The following DPP10 variants were observed in gnomAD, a reference collection of about 807,000 sequenced individuals.
DPP10 encodes dipeptidyl peptidase like 10.
Under a neutral mutation model 120.9 loss-of-function variants are expected in DPP10, and 33 were observed. That is an observed-to-expected ratio of 0.27 (90% CI 0.21 to 0.37). DPP10 has a LOEUF of 0.37. DPP10 is among the 10% of genes least tolerant of loss of function. DPP10 has a pLI of 1.00. For synonymous variants in DPP10, 337 were observed against 326.1 expected (o/e 1.03, Z -0.36); for missense variants, 816 against 942.8 (o/e 0.87, Z 1.76).
At chr2:115,604,634 T>G (rs2083576666) in intron 5 of DPP10, among the ~76,000 whole-genome samples, 1 of 152,204 alleles carries the variant, frequency 6.6e-6, no homozygotes, top group African/African-American at 2.4e-5. Flanking sequence ...TCCAATTCTT[T>G]AGATCATAAC....
intron 1 of DPP10, among the ~76,000 whole-genome samples, chr2:114,517,058 A>C (rs1684650899): frequency 6.6e-6 from 1 of 152,172 alleles, no homozygotes; most frequent in Non-Finnish European, 1.5e-5. Context: ...GGTATTCTGT[A>C]TCCTTGGCAT....
chr2:115,679,698 A>G (rs1174600994), intron 5 of DPP10, among the ~76,000 whole-genome samples: 2 of 152,236 alleles, frequency 1.3e-5, no homozygotes, highest in African/African-American at 2.4e-5. Flanking sequence ...TTGCATCAAC[A>G]TGGATAAACC....
At chr2:115,121,765 C>T (rs1208456158) in intron 1 of DPP10, among the ~76,000 whole-genome samples, 1 of 152,178 alleles carries the variant, frequency 6.6e-6, no homozygotes. Flanking sequence ...TTGTGCATTT[C>T]TCCTTCTCCT....
chr2:114,766,797 T>C (rs1002193820), intron 1 of DPP10, among the ~76,000 whole-genome samples: 1 of 151,898 alleles, frequency 6.6e-6, no homozygotes, highest in Non-Finnish European at 1.5e-5. Context: ...AGGGGTAGGA[T>C]TTGAATATAG....
At chr2:115,278,968 A>G (rs912966072) in intron 1 of DPP10, among the ~76,000 whole-genome samples, 6 of 152,218 alleles carry the variant, frequency 3.9e-5, no homozygotes, top group Admixed American at 3.9e-4. Context: ...TGCCATCACC[A>G]TAATGAAACT....
At chr2:114,554,737 C>T (rs546815021) in intron 1 of DPP10, among the ~76,000 whole-genome samples, 7 of 152,292 alleles carry the variant, frequency 4.6e-5, no homozygotes, top group Admixed American at 3.3e-4. Flanking sequence ...TAACATCTGC[C>T]CCTTCCAATT....
chr2:114,749,575 T>G (rs1191967246), intron 1 of DPP10, among the ~76,000 whole-genome samples: 1 of 148,184 alleles, frequency 6.7e-6, no homozygotes, highest in Non-Finnish European at 1.5e-5. Flanking sequence ...TTTATTTTAT[T>G]TTATTTTATT....
intron 1 of DPP10, among the ~76,000 whole-genome samples, chr2:114,890,286 T>G (rs1200065865): frequency 3.3e-5 from 5 of 152,152 alleles, no homozygotes; most frequent in Admixed American, 6.6e-5. Context: ...GAAAACATAC[T>G]GCTCAAGAAA....
intron 1 of DPP10, among the ~76,000 whole-genome samples, chr2:114,906,380 C>A (rs549689817): frequency 2.1e-5 from 3 of 145,120 alleles, no homozygotes; most frequent in African/African-American, 5.2e-5. Flanking sequence ...TGAGTTCTAT[C>A]TCAAAAAAAA....
intron 8 of DPP10, among the ~76,000 whole-genome samples, chr2:115,732,523 C>T (rs775765809): frequency 2.6e-4 from 40 of 152,172 alleles, no homozygotes; most frequent in Non-Finnish European, 4.0e-4. Context: ...AAATGTAATT[C>T]GCACAAAACA....
At chr2:114,659,491 T>A (rs1697232882) in intron 1 of DPP10, among the ~76,000 whole-genome samples, 1 of 152,158 alleles carries the variant, frequency 6.6e-6, no homozygotes, top group Non-Finnish European at 1.5e-5. Context: ...CAAAGCCAAG[T>A]AATGGGGTTT....
At chr2:114,532,587 C>T (rs1686119151) in intron 1 of DPP10, among the ~76,000 whole-genome samples, 3 of 152,020 alleles carry the variant, frequency 2.0e-5, no homozygotes, top group Non-Finnish European at 4.4e-5. Context: ...CAGAAGTACT[C>T]ACCATCCTGT....
intron 1 of DPP10, among the ~76,000 whole-genome samples, chr2:115,087,041 T>A (rs1383869788): frequency 2.0e-5 from 3 of 152,224 alleles, no homozygotes; most frequent in African/African-American, 7.2e-5. Context: ...GAGTATTAGC[T>A]GGTTGCAAAA....
At chr2:115,095,993 G>T (rs929878293) in intron 1 of DPP10, among the ~76,000 whole-genome samples, 3 of 152,024 alleles carry the variant, frequency 2.0e-5, no homozygotes, top group Non-Finnish European at 2.9e-5. Context: ...CTTAATGTTT[G>T]CCAATGTCTT....
chr2:115,554,579 G>C (rs184786993), intron 5 of DPP10, among the ~76,000 whole-genome samples: 3 of 151,920 alleles, frequency 2.0e-5, no homozygotes, highest in Admixed American at 2.0e-4. Context: ...ATCCATGCTG[G>C]TATTTCAGGA....
intron 5 of DPP10, among the ~76,000 whole-genome samples, chr2:115,604,961 C>G (rs2083603040): frequency 6.6e-6 from 1 of 152,096 alleles, no homozygotes; most frequent in South Asian, 2.1e-4. Flanking sequence ...TTTGATATAT[C>G]TTTATAAGCC....
In DPP10 at chr2:115,337,231, C is replaced by A. The variant is rs529442574; in HGVS notation, c.176-6586C>A. ...GAGGATATGCTATTATCTTCCTGGG[C>A]AAGTTGAGGCAGAATGGGATGCTAA... is the stretch of plus-strand genomic sequence containing the variant. On this transcript the variant is annotated intron_variant, in intron 2 of 25. Transcript: ENST00000410059. Among the ~76,000 whole-genome samples, 3 of 151,632 alleles carry A rather than the reference C, an allele frequency of 2.0e-5. No individual in the cohort carries two copies. The South Asian group carries it at 6.3e-4, about 32-fold the overall frequency.
chr2:114,916,189 T>C (rs1328797409), intron 1 of DPP10, among the ~76,000 whole-genome samples: 2 of 152,190 alleles, frequency 1.3e-5, no homozygotes, highest in African/African-American at 4.8e-5. Flanking sequence ...CAGAGGTTTT[T>C]ATGAACACCG....
chr2:115,791,110 C>T lies in DPP10; in HGVS notation c.1561C>T (p.Leu521=), dbSNP rs1683927571. 1 of 1,613,128 alleles carries T rather than the reference C, an allele frequency of 6.2e-7. No individual in the cohort carries two copies. The highest frequency in any genetic ancestry group is 1.3e-5 in the African/African-American group (1 of 74,846). Residue 521 remains leucine, a synonymous_variant, in exon 18 of 26, where the codon CTG becomes TTG. Coordinates refer to ENST00000410059, the MANE Select transcript of DPP10 (RefSeq NM_020868.6). ...KYFILESNSM[L]KEAILKKKIG... Reference sequence around the variant, plus strand: ...TTTTATATTGGAAAGCAATTCTATGCTGAAGGAAGCTATCCTGAAGAAGAA... The same window carrying T: ...TTTTATATTGGAAAGCAATTCTATGTTGAAGGAAGCTATCCTGAAGAAGAA...
Sources: allele counts gnomAD v4.1 joint callset (sites outside exome capture counted in the v4.1 genomes callset), GRCh38; gene constraint gnomAD v4.1.1; transcripts MANE v1.5; gene names NCBI Gene and HGNC (gene_info 2026-07-23, HGNC 2026-07-21).